PDE1A: variants seen among roughly 807,000 people sequenced by gnomAD.
PDE1A encodes the protein phosphodiesterase 1A, also known as dual specificity calcium/calmodulin-dependent 3',5'-cyclic nucleotide phosphodiesterase 1A.
In PDE1A, 35 loss-of-function variants were observed where a neutral mutation model predicts 61.7. The ratio of observed to expected loss-of-function variants is 0.57; its 90% CI spans 0.43 to 0.75. The LOEUF (loss-of-function observed/expected upper bound fraction) is 0.75, where lower values mean the gene tolerates loss of function less well. Ranked by LOEUF, PDE1A falls within the 30% of genes least tolerant of loss-of-function variation. The pLI is 0.00. For synonymous variants in PDE1A, 232 were observed against 213.2 expected, an observed-to-expected ratio of 1.09 and a Z score of -0.77; for missense variants, 597 against 630.6, an observed-to-expected ratio of 0.95 and a Z score of 0.57.
intron 1 of PDE1A, among the ~76,000 whole-genome samples, chr2:182,274,355 GA>G (rs1322988332): frequency 2.0e-5 from 3 of 151,964 alleles, no homozygotes; most frequent in Non-Finnish European, 2.9e-5. Context: ...CATGCATACG[GA>G]AAAAAACCAC....
At chr2:182,608,545 C>CA in the PDE1A span, among the ~76,000 whole-genome samples, 1 of 152,182 alleles carries the variant, frequency 6.6e-6, no homozygotes, top group Non-Finnish European at 1.5e-5. Context: ...GGCGGCCCGG[C>CA]ACTCGGAGCC....
intron 2 of PDE1A, among the ~76,000 whole-genome samples, chr2:182,503,064 CACACACACAT>C (rs149179162): frequency 0.43 from 37,771 of 87,402 alleles, 5,890 homozygotes; most frequent in East Asian, 0.65. Flanking sequence ...CACACACACA[CACACACACAT>C]ACACACACAC....
chr2:182,181,840 A>C (rs1684789792), intron 13 of PDE1A, among the ~76,000 whole-genome samples: 1 of 152,158 alleles, frequency 6.6e-6, no homozygotes, highest in South Asian at 2.1e-4. Flanking sequence ...AATTTTGCTT[A>C]GTCCAAACCT....
chr2:182,420,175 A>C (rs1028245595), intron 1 of PDE1A, among the ~76,000 whole-genome samples: 1 of 152,078 alleles, frequency 6.6e-6, no homozygotes, highest in South Asian at 2.1e-4. Context: ...AATGGGTCCA[A>C]AAATTAGCAA....
the PDE1A span, among the ~76,000 whole-genome samples, chr2:182,610,102 A>AAT: frequency 6.6e-6 from 1 of 151,546 alleles, no homozygotes; most frequent in Non-Finnish European, 1.5e-5. Flanking sequence ...AAAAAAAAAA[A>AAT]GAAAGAAATG....
At chr2:182,398,431 C>T (rs1701825241) in intron 1 of PDE1A, among the ~76,000 whole-genome samples, 1 of 151,936 alleles carries the variant, frequency 6.6e-6, no homozygotes, top group African/African-American at 2.4e-5. Flanking sequence ...ACTTTTTGTA[C>T]TTTGATGACT....
intron 2 of PDE1A, among the ~76,000 whole-genome samples, chr2:182,511,553 G>C (rs1331659906): frequency 1.3e-5 from 2 of 152,182 alleles, no homozygotes; most frequent in Non-Finnish European, 2.9e-5. Flanking sequence ...ACTTAAGCCT[G>C]CACAGAGCCT....
chr2:182,551,910 G>A, the PDE1A span, among the ~76,000 whole-genome samples: 1 of 152,012 alleles, frequency 6.6e-6, no homozygotes, highest in Non-Finnish European at 1.5e-5. Flanking sequence ...TCAAGAAGGG[G>A]GAGTTTATGC....
At chr2:182,674,333 A>G in the PDE1A span, among the ~76,000 whole-genome samples, 2 of 152,052 alleles carry the variant, frequency 1.3e-5, no homozygotes, top group Non-Finnish European at 2.9e-5. Flanking sequence ...TAGGTACCAT[A>G]GACAAACACA....
At chr2:182,403,429 C>T (rs376751928) in intron 1 of PDE1A, among the ~76,000 whole-genome samples, 1 of 151,842 alleles carries the variant, frequency 6.6e-6, no homozygotes, top group Non-Finnish European at 1.5e-5. Context: ...GAAACCCCGT[C>T]TCTACTAAAA....
At chr2:182,704,021 T>G in the PDE1A span, among the ~76,000 whole-genome samples, 1 of 147,748 alleles carries the variant, frequency 6.8e-6, no homozygotes, top group African/African-American at 2.5e-5. Flanking sequence ...GCCAACATGG[T>G]GAAACCCTGT....
intron 1 of PDE1A, among the ~76,000 whole-genome samples, chr2:182,332,753 A>G (rs1663455933): frequency 6.6e-6 from 1 of 152,136 alleles, no homozygotes; most frequent in Admixed American, 6.5e-5. Flanking sequence ...GATGCCAGCC[A>G]GAGCTCTCCT....
intron 1 of PDE1A, among the ~76,000 whole-genome samples, chr2:182,350,678 G>C (rs1365044067): frequency 6.6e-6 from 1 of 152,096 alleles, no homozygotes; most frequent in African/African-American, 2.4e-5. Flanking sequence ...CTCATTCACA[G>C]TCAAGAAGAG....
At chr2:182,515,952 TTCTGTGTGTG>T (rs1690108164) in intron 2 of PDE1A, among the ~76,000 whole-genome samples, 1 of 77,124 alleles carries the variant, frequency 1.3e-5, no homozygotes, top group African/African-American at 4.8e-5. Flanking sequence ...GTGTGTGTGT[TTCTGTGTGTG>T]TGTGTGTGTG....
chr2:182,707,217 C>A, the PDE1A span, among the ~76,000 whole-genome samples: 1 of 152,044 alleles, frequency 6.6e-6, no homozygotes, highest in East Asian at 1.9e-4. Context: ...TATCCAAAAT[C>A]AGTAACTTAA....
chr2:182,552,007 C>A, the PDE1A span, among the ~76,000 whole-genome samples: 41 of 152,294 alleles, frequency 2.7e-4, no homozygotes, highest in African/African-American at 9.4e-4. Context: ...TGGTCTTGAT[C>A]TAGAATGTGG....
At chr2:182,582,660 G>C in the PDE1A span, among the ~76,000 whole-genome samples, 4 of 152,316 alleles carry the variant, frequency 2.6e-5, no homozygotes, top group Admixed American at 2.6e-4. Flanking sequence ...TGTCTGCAAG[G>C]AAGAGAGTGC....
chr2:182,522,222 C>T (rs1485855704), intron 2 of PDE1A: 33 of 1,450,854 alleles, frequency 2.3e-5, no homozygotes, highest in Non-Finnish European at 3.1e-5. Flanking sequence ...AACAATTAGT[C>T]ACGTTAATAG....
At chr2:182,141,975 G>C (rs138904979) in exon 15 of PDE1A, 1 of 152,320 alleles carries the variant, frequency 6.6e-6, no homozygotes, top group Non-Finnish European at 1.5e-5. Flanking sequence ...GCAAAGGAAA[G>C]ACTTTGCACA....
Sources: allele counts gnomAD v4.1 joint callset (sites outside exome capture counted in the v4.1 genomes callset), GRCh38; gene constraint gnomAD v4.1.1; transcripts MANE v1.5; gene names NCBI Gene and HGNC (gene_info 2026-07-23, HGNC 2026-07-21).